The following SAP130 variants were observed in gnomAD, a reference collection of about 807,000 sequenced individuals.
The protein encoded by SAP130 is histone deacetylase complex subunit SAP130.
In SAP130, 16 loss-of-function variants were observed where a neutral mutation model predicts 103.2. The observed-to-expected ratio is 0.16, with a 90% CI of 0.10 to 0.24. SAP130 has a LOEUF of 0.24. SAP130 is among the 10% of genes least tolerant of loss of function. The pLI, the probability that SAP130 is intolerant of heterozygous loss-of-function variation, is 1.00. For synonymous variants in SAP130, 477 were observed against 497.0 expected, an observed-to-expected ratio of 0.96 and a Z score of 0.53; for missense variants, 990 against 1,359.7, an observed-to-expected ratio of 0.73 and a Z score of 4.28.
At chr2:128,027,045 G>A in intron 1 of SAP130, 1 of 1,376,840 alleles carries the variant, frequency 7.3e-7, no homozygotes, top group Non-Finnish European at 9.5e-7. Flanking sequence ...GGGTGCGGAC[G>A]GGCGATCTGG....
At chr2:127,944,241 G>C (rs909332616) in intron 19 of SAP130, among the ~76,000 whole-genome samples, 3 of 151,836 alleles carry the variant, frequency 2.0e-5, no homozygotes, top group Admixed American at 6.6e-5. Context: ...CCACTATGTT[G>C]TCCAGGTGGG....
Position 128,000,045 on chromosome 2 carries a change from C to T in SAP130, c.1108+11G>A, listed in dbSNP as rs190254000. 1.1e-4 allele frequency: 176 copies of T among 1,612,844 alleles called. No homozygotes were observed. Among genetic ancestry groups the T allele is most frequent in the Non-Finnish European group, 1.4e-4 (169 of 1,178,932 alleles). ...TCCCCAGTAGAAGGAAGAGGAGGGT[C>T]GTGGACTTACCAGCTGTGGTCGCTG... is the stretch of plus-strand genomic sequence containing the variant. On this transcript the variant is annotated intron_variant, in intron 9 of 20. Transcript: ENST00000643581.
At chr2:128,027,318 CCCCG>C in intron 1 of SAP130, 1 of 1,157,700 alleles carries the variant, frequency 8.6e-7, no homozygotes, top group Non-Finnish European at 1.1e-6. Flanking sequence ...CCCCTGCCTC[CCCCG>C]CCCGCCCATT....
At chr2:127,954,249 GAC>G in intron 16 of SAP130, among the ~76,000 whole-genome samples, 1 of 152,136 alleles carries the variant, frequency 6.6e-6, no homozygotes, top group Non-Finnish European at 1.5e-5. Context: ...AAAAACTACA[GAC>G]ACAGCACAAT....
intron 11 of SAP130, among the ~76,000 whole-genome samples, chr2:127,995,998 A>G (rs996225678): frequency 6.6e-6 from 1 of 152,210 alleles, no homozygotes; most frequent in Admixed American, 6.5e-5. Flanking sequence ...ATCCTTTCAG[A>G]TAGCTGTACC....
rs2105009469 is a variant in SAP130 at position 127,989,306 on chromosome 2, C to T, written c.1780+258G>A. Among the ~76,000 whole-genome samples the T allele has an allele frequency of 6.6e-6, 1 of 152,072 alleles. No homozygotes were observed. Among genetic ancestry groups the T allele is most frequent in the South Asian group, 2.1e-4 (1 of 4,818 alleles). On this transcript the variant is annotated intron_variant, in intron 13 of 20. Transcript: ENST00000643581. The surrounding 1 kb of genome is among the most constrained non-coding windows in gnomAD (Gnocchi z 4.6). ...AGTAGACAGGGTTTTACCACGTTAG[C>T]CTGGATAGTCTTGATCTCCTGACCT...
intron 13 of SAP130, among the ~76,000 whole-genome samples, chr2:127,988,539 T>A (rs547143100): frequency 1.3e-4 from 20 of 151,320 alleles, no homozygotes; most frequent in African/African-American, 4.8e-4. Context: ...GTACATGGAA[T>A]CTTAAATTCA....
chr2:128,022,733 G>A (rs1685240472), intron 2 of SAP130, among the ~76,000 whole-genome samples: 1 of 152,016 alleles, frequency 6.6e-6, no homozygotes, highest in African/African-American at 2.4e-5. Context: ...CTTCTCATGT[G>A]CTTCTTTGGC....
At chr2:127,999,981 G>A in intron 9 of SAP130, 75 bp downstream of exon 9, 1 of 1,502,108 alleles carries the variant, frequency 6.7e-7, no homozygotes, top group East Asian at 2.3e-5. Context: ...GACTGAAGGT[G>A]AGAAATGAAA....
intron 14 of SAP130, among the ~76,000 whole-genome samples, chr2:127,985,198 G>A (rs536306231): frequency 1.3e-5 from 2 of 152,316 alleles, no homozygotes; most frequent in East Asian, 3.9e-4. Context: ...GATTTTAGAT[G>A]TGTGTAATCA....
intron 13 of SAP130, among the ~76,000 whole-genome samples, chr2:127,987,461 C>T (rs1682483657): frequency 6.6e-6 from 1 of 152,186 alleles, no homozygotes; most frequent in Non-Finnish European, 1.5e-5. Context: ...GCTGGGATTA[C>T]AGGCGTGAGC....
At chr2:128,010,886 A>G (rs1425082044) in intron 6 of SAP130, among the ~76,000 whole-genome samples, 5 of 151,778 alleles carry the variant, frequency 3.3e-5, no homozygotes, top group Non-Finnish European at 5.9e-5. Context: ...AGAAAAAAAA[A>G]AAAGACTAAG....
intron 18 of SAP130, among the ~76,000 whole-genome samples, chr2:127,947,764 C>CTGTGTGTGTGAGTGTGTG (rs147211610): frequency 0.069 from 9,850 of 143,296 alleles, 460 homozygotes; most frequent in African/African-American, 0.12. Flanking sequence ...TTGTGTGTGT[C>CTGTGTGTGTGAGTGTGTG]TGTGTGTGTG....
chr2:127,961,227 C>T lies in SAP130; in HGVS notation c.2064-5883G>A, dbSNP rs904513319. On this transcript the variant is annotated intron_variant, in intron 15 of 20. Coordinates refer to ENST00000643581, the MANE Select transcript of SAP130 (RefSeq NM_001330301.2). ...CTAGTCTCAAACTCCTGGGCTCAAG[C>T]GATCCACCCATCTCAGCCTCCCCTC... Among the ~76,000 whole-genome samples the T allele has an allele frequency of 3.3e-5, 5 of 151,700 alleles. No individual in the cohort carries two copies. In the South Asian group the frequency reaches 1.0e-3, roughly 32 times the overall value.
At chr2:128,019,623 C>T (rs370185651) in intron 2 of SAP130, among the ~76,000 whole-genome samples, 4 of 152,042 alleles carry the variant, frequency 2.6e-5, no homozygotes, top group African/African-American at 7.2e-5. Flanking sequence ...TGGTGGTTCA[C>T]GCCTGTAATC....
chr2:127,950,809 G>A lies in SAP130; in HGVS notation c.2423-401C>T, dbSNP rs936653121. The stretch of plus-strand genomic sequence containing the variant: ...TGTGATCCTGGAACTCAGACGAGAT[G>A]GCTGCAGCATCAGCAGCTGTCCTGA... On this transcript the variant is annotated intron_variant, in intron 16 of 20. Coordinates refer to ENST00000643581, the MANE Select transcript of SAP130 (RefSeq NM_001330301.2). Among the ~76,000 whole-genome samples the A allele has an allele frequency of 5.3e-5, 8 of 152,274 alleles. No individual in the cohort carries two copies. In the East Asian group the frequency reaches 1.4e-3, roughly 26 times the overall value.
In SAP130 at chr2:128,026,261, G is replaced by C. The variant is rs752264091; in HGVS notation, c.32C>G (p.Ala11Gly). Residue 11 changes from alanine to glycine, a missense_variant, in exon 2 of 21, where the codon GCC (alanine) becomes GGC (glycine). Ala to Gly is a moderately conservative substitution (Grantham distance 60). Transcript: ENST00000643581. MSSQQFPRLGAPSTGLSQAPS... is the reference protein window; with the variant it reads MSSQQFPRLGGPSTGLSQAPS... The stretch of plus-strand genomic sequence containing the variant: ...GGCCTGGCTCAGCCCGGTAGAAGGG[G>C]CTCCTAACCGAGGAAACTGTTGAGA... 15 of 1,613,936 alleles carry C rather than the reference G, an allele frequency of 9.3e-6. No individual in the cohort carries two copies. The highest frequency in any genetic ancestry group is 1.3e-5 in the Non-Finnish European group (15 of 1,179,976).
intron 15 of SAP130, among the ~76,000 whole-genome samples, chr2:127,972,587 G>A (rs948265636): frequency 4.6e-5 from 7 of 152,070 alleles, no homozygotes; most frequent in Admixed American, 1.3e-4. Context: ...GTGAAACTCC[G>A]TCTCTACTAA....
At chr2:127,968,525 T>C (rs1488148313) in intron 15 of SAP130, among the ~76,000 whole-genome samples, 1 of 147,244 alleles carries the variant, frequency 6.8e-6, no homozygotes, top group Non-Finnish European at 1.5e-5. Context: ...CAAAACTCCG[T>C]CTCAAAAACA....
Sources: gnomAD v4.1 joint callset for allele counts (sites outside exome capture counted in the v4.1 genomes callset) on GRCh38, gnomAD v4.1.1 for gene constraint, Gnocchi (gnomAD v3.1) non-coding constraint, MANE v1.5 for transcripts, NCBI Gene and HGNC (gene_info 2026-07-23, HGNC 2026-07-21) for gene names.